Variants in UBXN4 observed in about 807,000 individuals in gnomAD.
UBXN4 encodes UBX domain-containing protein 4.
A neutral mutation model predicts 66.2 loss-of-function variants in UBXN4; 35 were observed. That is an observed-to-expected ratio of 0.53 (90% confidence interval 0.40 to 0.70). UBXN4 has a LOEUF of 0.70. Ranked by LOEUF, UBXN4 falls within the 30% of genes least tolerant of loss-of-function variation. The probability of loss-of-function intolerance (pLI) is 0.00; values close to 1 mark genes in which losing one functional copy is unlikely to be tolerated. For missense variants in UBXN4, 533 were observed against 599.8 expected (o/e 0.89, Z 1.16); for synonymous variants, 203 against 204.5 (o/e 0.99, Z 0.06).
At chr2:135,754,012 A>G in intron 3 of UBXN4, 147 bp from the exon 4 acceptor site, 1 of 622,382 alleles carries the variant, frequency 1.6e-6, no homozygotes, top group East Asian at 2.9e-5. Context: ...TACAGGTATA[A>G]TGATGCAGTA....
At chr2:135,778,891 C>G (rs2077433722) in intron 10 of UBXN4, 57 bp from the exon 11 acceptor site, 1 of 1,477,170 alleles carries the variant, frequency 6.8e-7, no homozygotes, top group Non-Finnish European at 9.0e-7. Flanking sequence ...TTGGATTCAT[C>G]TGAGTAATAT....
intron 9 of UBXN4, among the ~76,000 whole-genome samples, chr2:135,773,037 C>CAAA (rs78669415): frequency 0.2 from 15,661 of 79,496 alleles, 715 homozygotes; most frequent in Middle Eastern, 0.49. Context: ...ACTCCGTCCC[C>CAAA]AAAAAAAAAA....
intron 5 of UBXN4, among the ~76,000 whole-genome samples, chr2:135,760,163 G>T (rs868066147): frequency 3.9e-5 from 6 of 152,058 alleles, no homozygotes; most frequent in Admixed American, 1.3e-4. Flanking sequence ...CATGGGCCAG[G>T]TACAATGGCT....
At chr2:135,778,756 T>TA (rs1340761532) in intron 10 of UBXN4, among the ~76,000 whole-genome samples, 192 bp from the exon 11 acceptor site, 1 of 152,246 alleles carries the variant, frequency 6.6e-6, no homozygotes, top group Admixed American at 6.5e-5. Flanking sequence ...CAGAAGCTTT[T>TA]AAAAACTATT....
Position 135,769,765 on chromosome 2 carries a change from A to G in UBXN4, c.603-4A>G, listed in dbSNP as rs777895779. On this transcript the variant is annotated splice_region_variant and splice_polypyrimidine_tract_variant and intron_variant, in intron 6 of 12. Transcript: ENST00000272638. ...TAGTGGTGGTTTTTTTTTTTTTAAT[A>G]CAGACTAACAAAAAAACTTGAAGAA... The G allele has an allele frequency of 1.1e-5, 18 of 1,571,168 alleles. No homozygotes were observed. The Middle Eastern group carries it at 6.8e-4, about 60-fold the overall frequency.
At chr2:135,758,649 T>C (rs934667032) in intron 5 of UBXN4, among the ~76,000 whole-genome samples, 20 of 152,212 alleles carry the variant, frequency 1.3e-4, no homozygotes, top group African/African-American at 4.8e-4. Context: ...TCCACTCCTC[T>C]TCTTTTTCAA....
intron 10 of UBXN4, among the ~76,000 whole-genome samples, chr2:135,777,501 TC>T (rs1259794852): frequency 6.6e-6 from 1 of 152,190 alleles, no homozygotes; most frequent in African/African-American, 2.4e-5. Context: ...TCTTGGAGCC[TC>T]CCACAATGTG....
chr2:135,777,104 T>C (rs2077420286), intron 10 of UBXN4, among the ~76,000 whole-genome samples: 1 of 152,250 alleles, frequency 6.6e-6, no homozygotes, highest in South Asian at 2.1e-4. Context: ...GTAAACTTTA[T>C]TTGACAATAG....
At chr2:135,769,594 C>T (rs1575321409) in intron 6 of UBXN4, among the ~76,000 whole-genome samples, 175 bp from the exon 7 acceptor site, 2 of 152,136 alleles carry the variant, frequency 1.3e-5, no homozygotes, top group South Asian at 2.1e-4. Flanking sequence ...GATGGGCTCT[C>T]GTTGACTCCA....
chr2:135,760,388 G>T (rs567829331), intron 5 of UBXN4, among the ~76,000 whole-genome samples: 10 of 152,100 alleles, frequency 6.6e-5, no homozygotes, highest in Non-Finnish European at 1.3e-4. Flanking sequence ...CCAAGATCAT[G>T]CCACTGCTCT....
chr2:135,782,448 T>G (rs944428916), intron 12 of UBXN4, among the ~76,000 whole-genome samples: 5 of 152,224 alleles, frequency 3.3e-5, no homozygotes, highest in Admixed American at 2.6e-4. Context: ...AAGGAAAGAT[T>G]AGTTGGCAAA....
chr2:135,758,371 G>C (rs2077291401), intron 5 of UBXN4, among the ~76,000 whole-genome samples: 1 of 151,938 alleles, frequency 6.6e-6, no homozygotes, highest in South Asian at 2.1e-4. Context: ...ACCACGCCCA[G>C]CCTAATTTTT....
chr2:135,779,322 CA>C (rs34000734), intron 11 of UBXN4, among the ~76,000 whole-genome samples: 147,934 of 152,238 alleles, frequency 0.97, 71,998 homozygotes, highest in Non-Finnish European at 1. Context: ...TTTTTGTGTA[CA>C]AAAAAAATGA....
At chr2:135,760,448 A>C (rs2077308026) in intron 5 of UBXN4, among the ~76,000 whole-genome samples, 2 of 152,078 alleles carry the variant, frequency 1.3e-5, no homozygotes, top group African/African-American at 2.4e-5. Flanking sequence ...AAAAGTTACA[A>C]ATTTATATTT....
At chr2:135,771,929 A>G (rs1362821413) in intron 8 of UBXN4, among the ~76,000 whole-genome samples, 3 of 152,184 alleles carry the variant, frequency 2.0e-5, no homozygotes, top group African/African-American at 7.2e-5. Flanking sequence ...GAGCAAATTC[A>G]TTTCCTTGTT....
chr2:135,767,608 G>T (rs1250327176), intron 6 of UBXN4, among the ~76,000 whole-genome samples: 3 of 152,146 alleles, frequency 2.0e-5, no homozygotes, highest in Non-Finnish European at 4.4e-5. Flanking sequence ...CACTCTCATT[G>T]CTTTATAGTA....
rs139126601 is a variant in UBXN4, at chr2:135,761,735, A to G, written c.509-83A>G. On this transcript the variant is annotated intron_variant, in intron 5 of 12. Coordinates refer to ENST00000272638, the MANE Select transcript of UBXN4 (RefSeq NM_014607.4). ...ATGCTTAAGATATAAAATTATTAAC[A>G]GATGCTATAATCTGAAAGATTTATT... The G allele has an allele frequency of 5.5e-5, 64 of 1,164,738 alleles. No individual in the cohort carries two copies. In the African/African-American group the frequency reaches 9.1e-4, roughly 17 times the overall value. The allele number at this position is 1,164,738 out of a possible 1,614,324, so 72.2% of individuals were successfully genotyped here.
At chr2:135,777,048 T>TAGCC (rs2077419959) in intron 10 of UBXN4, among the ~76,000 whole-genome samples, 1 of 152,234 alleles carries the variant, frequency 6.6e-6, no homozygotes, top group Non-Finnish European at 1.5e-5. Flanking sequence ...GCTTAGGGGC[T>TAGCC]GGTCATTTTC....
chr2:135,778,600 G>A (rs1418018547), intron 10 of UBXN4, among the ~76,000 whole-genome samples: 1 of 152,176 alleles, frequency 6.6e-6, no homozygotes, highest in African/African-American at 2.4e-5. Context: ...GTGTTCATGA[G>A]ACATTAAGTT....
Sources: gnomAD v4.1 joint callset for allele counts (sites outside exome capture counted in the v4.1 genomes callset) on GRCh38, gnomAD v4.1.1 for gene constraint, MANE v1.5 for transcripts, NCBI Gene and HGNC (gene_info 2026-07-23, HGNC 2026-07-21) for gene names.